The following TRIP12 variants were observed in gnomAD, a reference collection of about 807,000 sequenced individuals.
TRIP12 encodes thyroid hormone receptor interactor 12, also known as E3 ubiquitin-protein ligase TRIP12.
Under a neutral mutation model 244.2 loss-of-function variants are expected in TRIP12, and 25 were observed. That is an observed-to-expected ratio of 0.10 (90% CI 0.07 to 0.14). The LOEUF (loss-of-function observed/expected upper bound fraction) is 0.14, where lower values mean the gene tolerates loss of function less well. Among genes scored for constraint, TRIP12 ranks in the 10% least tolerant of loss-of-function variants. The pLI, the probability that TRIP12 is intolerant of heterozygous loss-of-function variation, is 1.00. For missense variants in TRIP12, 1,677 were observed against 2,486.4 expected (o/e 0.67, Z 6.92); for synonymous variants, 905 against 873.1 (o/e 1.04, Z -0.64).
chr2:229,889,716 G>T (rs2066879718), intron 1 of TRIP12, among the ~76,000 whole-genome samples: 1 of 151,984 alleles, frequency 6.6e-6, no homozygotes, highest in Non-Finnish European at 1.5e-5. Context: ...TCTTCAATGG[G>T]GTACTTTAAA....
chr2:229,856,873 A>C lies in TRIP12; in HGVS notation c.1027+1899T>G, dbSNP rs182709284. ...ATCCTTTAAACTTAAAACATTTTATACAGATGTTCTGCATATTTAAAATAC... is the reference window on the plus strand; with the variant it reads ...ATCCTTTAAACTTAAAACATTTTATCCAGATGTTCTGCATATTTAAAATAC... On this transcript the variant is annotated intron_variant, in intron 4 of 41. Transcript: ENST00000675903. Among the ~76,000 whole-genome samples the C allele has an allele frequency of 2.5e-3, 385 of 152,340 alleles. 2 individuals are homozygous for C. The highest frequency in any genetic ancestry group is 3.9e-3 in the Non-Finnish European group (265 of 68,032).
chr2:229,906,342 T>G (rs946259748), intron 1 of TRIP12, among the ~76,000 whole-genome samples: 1 of 150,732 alleles, frequency 6.6e-6, no homozygotes, highest in Non-Finnish European at 1.5e-5. Flanking sequence ...ACATGTTTAC[T>G]GTTTACTGCA....
intron 4 of TRIP12, among the ~76,000 whole-genome samples, chr2:229,851,150 G>A (rs571847964): frequency 6.6e-6 from 1 of 152,360 alleles, no homozygotes; most frequent in Non-Finnish European, 1.5e-5. Context: ...CCCCGGTGCA[G>A]GATCCACTGG....
intron 4 of TRIP12, among the ~76,000 whole-genome samples, chr2:229,853,576 G>T (rs1415848603): frequency 6.6e-6 from 1 of 152,100 alleles, no homozygotes; most frequent in Non-Finnish European, 1.5e-5. Context: ...AGAATCACTT[G>T]AATCCAGGAG....
chr2:229,781,007 G>A (rs1034828931), intron 34 of TRIP12, among the ~76,000 whole-genome samples: 1 of 152,224 alleles, frequency 6.6e-6, no homozygotes, highest in African/African-American at 2.4e-5. Flanking sequence ...AGGTTCAACA[G>A]AAGTCACAGA....
intron 1 of TRIP12, among the ~76,000 whole-genome samples, chr2:229,903,010 C>CTTTTCTTT (rs1560250130): frequency 1.2e-4 from 3 of 25,664 alleles, no homozygotes; most frequent in Non-Finnish European, 1.7e-4. Context: ...TTTTCTTTTT[C>CTTTTCTTT]TTTTTTTCTT....
intron 6 of TRIP12, among the ~76,000 whole-genome samples, chr2:229,833,704 G>A (rs1270795196): frequency 1.3e-5 from 2 of 152,232 alleles, no homozygotes; most frequent in East Asian, 3.9e-4. Context: ...TCCCTTTTAT[G>A]AAGTAGTTTA....
chr2:229,810,794 T>C (rs2047077224), intron 15 of TRIP12, 86 bp downstream of exon 15: 12 of 1,343,126 alleles, frequency 8.9e-6, no homozygotes, highest in Non-Finnish European at 1.2e-5. Flanking sequence ...AGTAATCTCT[T>C]CCATTTGCTC....
In TRIP12 at chr2:229,765,266, G is replaced by C. The variant is rs553508763; in HGVS notation, c.*2288C>G. ...CAACTAAGTGTTTAAAGTATACTAAGAAGTTAGTGCTCGTTGATAGGATTA... is the reference window on the plus strand; with the variant it reads ...CAACTAAGTGTTTAAAGTATACTAACAAGTTAGTGCTCGTTGATAGGATTA... On this transcript the variant is annotated 3_prime_UTR_variant, in exon 42 of 42. Coordinates refer to ENST00000675903, the MANE Select transcript of TRIP12 (RefSeq NM_001348323.3). 3.9e-5 allele frequency: 6 copies of C among 152,140 alleles called. No individual in the cohort carries two copies. Among genetic ancestry groups the C allele is most frequent in the Non-Finnish European group, 7.4e-5 (5 of 68,022 alleles). The allele number at this position is 152,140 out of a possible 1,614,324, so 9.4% of individuals were successfully genotyped here.
At chr2:229,859,608 G>T (rs767702968) in intron 3 of TRIP12, 34 bp from the exon 4 acceptor site, 2 of 1,575,930 alleles carry the variant, frequency 1.3e-6, no homozygotes, top group Admixed American at 3.7e-5. Context: ...GTTAATATCA[G>T]CCTGTCATAA....
intron 2 of TRIP12, among the ~76,000 whole-genome samples, chr2:229,875,279 GA>G (rs1372819241): frequency 6.6e-6 from 1 of 152,112 alleles, no homozygotes; most frequent in Non-Finnish European, 1.5e-5. Context: ...TTTATCTTAA[GA>G]ATGAATTTAA....
intron 1 of TRIP12, among the ~76,000 whole-genome samples, chr2:229,904,542 A>G (rs2072114577): frequency 6.6e-6 from 1 of 152,178 alleles, no homozygotes; most frequent in Non-Finnish European, 1.5e-5. Flanking sequence ...CTCATCATAT[A>G]ATAGCATAAG....
intron 2 of TRIP12, among the ~76,000 whole-genome samples, chr2:229,872,434 G>T (rs551950771): frequency 2.6e-5 from 4 of 152,176 alleles, no homozygotes; most frequent in Admixed American, 6.5e-5. Flanking sequence ...TGTGGTGACA[G>T]GCACCTGTAG....
At chr2:229,838,319 C>G (rs2055367834) in intron 5 of TRIP12, among the ~76,000 whole-genome samples, 1 of 152,174 alleles carries the variant, frequency 6.6e-6, no homozygotes, top group Non-Finnish European at 1.5e-5. Flanking sequence ...ACTGGGCTGA[C>G]CACTTTGGAT....
chr2:229,858,384 T>G (rs1443483547), intron 4 of TRIP12, among the ~76,000 whole-genome samples: 1 of 152,214 alleles, frequency 6.6e-6, no homozygotes, highest in Admixed American at 6.5e-5. Flanking sequence ...ATATATTTGA[T>G]CTCTGATCAT....
chr2:229,796,569 C>T (rs763134069), intron 25 of TRIP12, 22 bp downstream of exon 25: 2 of 1,541,960 alleles, frequency 1.3e-6, no homozygotes, highest in Non-Finnish European at 1.7e-6. Flanking sequence ...AAAAGATACA[C>T]AGGCATTATT....
At chr2:229,822,907 G>C (rs1446702360) in intron 8 of TRIP12, among the ~76,000 whole-genome samples, 1 of 152,120 alleles carries the variant, frequency 6.6e-6, no homozygotes, top group Non-Finnish European at 1.5e-5. Flanking sequence ...ACTGAAAAAC[G>C]TATCTGAAAT....
At chr2:229,807,972 A>AT (rs376608303) in intron 16 of TRIP12, 108 bp from the exon 17 acceptor site, 23,550 of 962,158 alleles carry the variant, frequency 0.024, 15 homozygotes, top group African/African-American at 0.037. Flanking sequence ...ATTTAGACCA[A>AT]TTTTTTTTTT....
At chr2:229,838,063 T>C (rs2055299710) in intron 5 of TRIP12, among the ~76,000 whole-genome samples, 1 of 152,180 alleles carries the variant, frequency 6.6e-6, no homozygotes, top group African/African-American at 2.4e-5. Flanking sequence ...AAAGACATGT[T>C]TTAGACTAAA....
Sources: gnomAD v4.1 joint callset for allele counts (sites outside exome capture counted in the v4.1 genomes callset) on GRCh38, gnomAD v4.1.1 for gene constraint, MANE v1.5 for transcripts, NCBI Gene and HGNC (gene_info 2026-07-23, HGNC 2026-07-21) for gene names.